CAMKMT: variants seen among roughly 807,000 people sequenced by gnomAD.
The protein encoded by CAMKMT is calmodulin-lysine N-methyltransferase.
In CAMKMT, 53 loss-of-function variants were observed where a neutral mutation model predicts 48.0. The ratio of observed to expected loss-of-function variants is 1.10; its 90% confidence interval spans 0.89 to 1.39. CAMKMT has a LOEUF of 1.39. CAMKMT is among the 40% of genes most tolerant of loss of function. CAMKMT has a pLI of 0.00. For synonymous variants in CAMKMT, 165 were observed against 152.3 expected, an observed-to-expected ratio of 1.08 and a Z score of -0.61; for missense variants, 428 against 402.7, an observed-to-expected ratio of 1.06 and a Z score of -0.54.
intron 3 of CAMKMT, among the ~76,000 whole-genome samples, chr2:44,576,155 C>T (rs927034807): frequency 3.3e-5 from 5 of 151,726 alleles, no homozygotes; most frequent in African/African-American, 1.2e-4. Flanking sequence ...GGTGAAACCC[C>T]ATTTCTATTA....
intron 2 of CAMKMT, among the ~76,000 whole-genome samples, chr2:44,380,737 A>T (rs1426535252): frequency 6.6e-6 from 1 of 152,186 alleles, no homozygotes; most frequent in Admixed American, 6.5e-5. Flanking sequence ...AGGGTTTTTA[A>T]ACCCTGATAA....
intron 3 of CAMKMT, among the ~76,000 whole-genome samples, chr2:44,429,277 A>ATGTGTGTG (rs34628835): frequency 6.8e-6 from 1 of 147,024 alleles, no homozygotes; most frequent in Non-Finnish European, 1.5e-5. Flanking sequence ...GTGTGTGTGT[A>ATGTGTGTG]TGTGTGTGTG....
chr2:44,393,451 A>C (rs980933971), intron 3 of CAMKMT: 1 of 152,164 alleles, frequency 6.6e-6, no homozygotes, highest in African/African-American at 2.4e-5. Context: ...ATACGACCCA[A>C]CCTTCTTTTT....
At chr2:44,762,276 C>T (rs1327983882) in intron 9 of CAMKMT, among the ~76,000 whole-genome samples, 1 of 152,136 alleles carries the variant, frequency 6.6e-6, no homozygotes, top group South Asian at 2.1e-4. Context: ...TCGCTTGAGG[C>T]CAAGAGTTCA....
At chr2:44,389,520 G>T (rs1275034806) in intron 2 of CAMKMT, among the ~76,000 whole-genome samples, 1 of 152,056 alleles carries the variant, frequency 6.6e-6, no homozygotes, top group African/African-American at 2.4e-5. Flanking sequence ...AAATTATATG[G>T]GAGAGAATGT....
At chr2:44,480,710 T>G (rs1668922805) in intron 3 of CAMKMT, among the ~76,000 whole-genome samples, 1 of 152,148 alleles carries the variant, frequency 6.6e-6, no homozygotes, top group South Asian at 2.1e-4. Flanking sequence ...TTAACGTATT[T>G]TGAAGGGAAT....
intron 3 of CAMKMT, among the ~76,000 whole-genome samples, chr2:44,646,680 G>C (rs1673751977): frequency 6.6e-6 from 1 of 152,068 alleles, no homozygotes; most frequent in East Asian, 1.9e-4. Flanking sequence ...CCAAAACCAT[G>C]AATCTCAATA....
chr2:44,707,567 T>G (rs1677634040), intron 6 of CAMKMT, 105 bp downstream of exon 6: 1 of 886,720 alleles, frequency 1.1e-6, no homozygotes, highest in Non-Finnish European at 1.8e-6. Flanking sequence ...AAAAGAGAGT[T>G]TCCCCCCTAC....
chr2:44,608,142 G>T (rs952545099), intron 3 of CAMKMT, among the ~76,000 whole-genome samples: 6 of 142,026 alleles, frequency 4.2e-5, no homozygotes, highest in Non-Finnish European at 9.0e-5. Flanking sequence ...GCAGCATCTC[G>T]GCTCACTGCA....
intron 3 of CAMKMT, among the ~76,000 whole-genome samples, chr2:44,484,050 G>A (rs1273502452): frequency 6.6e-6 from 1 of 152,122 alleles, no homozygotes; most frequent in Non-Finnish European, 1.5e-5. Flanking sequence ...ACCTCATAGT[G>A]GTACCTCATA....
intron 3 of CAMKMT, among the ~76,000 whole-genome samples, chr2:44,587,951 A>G (rs1431478902): frequency 1.8e-5 from 2 of 112,958 alleles, no homozygotes; most frequent in African/African-American, 6.5e-5. Context: ...CGTCTGGGAT[A>G]TGAGGAGCCT....
At chr2:44,605,848 G>A (rs1220448121) in intron 3 of CAMKMT, among the ~76,000 whole-genome samples, 1 of 151,774 alleles carries the variant, frequency 6.6e-6, no homozygotes, top group Non-Finnish European at 1.5e-5. Context: ...TTATTATGTT[G>A]GCATAGAAGG....
intron 7 of CAMKMT, 111 bp downstream of exon 7, chr2:44,715,464 T>C: frequency 2.7e-6 from 2 of 750,450 alleles, no homozygotes; most frequent in Admixed American, 2.4e-5. Context: ...CTGCTGTGTG[T>C]CAGGCACTGT....
chr2:44,621,279 A>AAAG (rs1553427072), intron 3 of CAMKMT, among the ~76,000 whole-genome samples: 4 of 145,348 alleles, frequency 2.8e-5, no homozygotes, highest in Non-Finnish European at 5.9e-5. Context: ...AAAAAAAAAA[A>AAAG]AAAAAAGCAT....
intron 7 of CAMKMT, among the ~76,000 whole-genome samples, chr2:44,731,170 G>GTC: frequency 6.6e-6 from 1 of 152,224 alleles, no homozygotes; most frequent in East Asian, 1.9e-4. Flanking sequence ...GCGAAACCCC[G>GTC]TCTCTACTAT....
At chr2:44,538,447 A>G (rs913794381) in intron 3 of CAMKMT, among the ~76,000 whole-genome samples, 1 of 152,194 alleles carries the variant, frequency 6.6e-6, no homozygotes, top group Non-Finnish European at 1.5e-5. Context: ...TCAGCCATAA[A>G]AAGGAATGAA....
intron 8 of CAMKMT, among the ~76,000 whole-genome samples, chr2:44,745,496 G>C (rs1679879013): frequency 6.6e-6 from 1 of 152,140 alleles, no homozygotes; most frequent in Non-Finnish European, 1.5e-5. Context: ...TTCAATTTAA[G>C]ACTTACATTA....
At chr2:44,598,737 T>C (rs1477240365) in intron 3 of CAMKMT, among the ~76,000 whole-genome samples, 2 of 149,304 alleles carry the variant, frequency 1.3e-5, no homozygotes, top group African/African-American at 2.5e-5. Flanking sequence ...GCAACTTACT[T>C]GTTAAAGGCT....
At chr2:44,675,917 G>A (rs1675660777) in intron 3 of CAMKMT, among the ~76,000 whole-genome samples, 1 of 152,072 alleles carries the variant, frequency 6.6e-6, no homozygotes, top group African/African-American at 2.4e-5. Context: ...AAGTAAAATT[G>A]TACAGTATTT....
Sources: gnomAD v4.1 joint callset for allele counts (sites outside exome capture counted in the v4.1 genomes callset) on GRCh38, gnomAD v4.1.1 for gene constraint, MANE v1.5 for transcripts, NCBI Gene and HGNC (gene_info 2026-07-23, HGNC 2026-07-21) for gene names.